CAPZA2: variants seen among roughly 807,000 people sequenced by gnomAD.
CAPZA2 encodes the protein capping actin protein of muscle Z-line subunit alpha 2.
CAPZA2 carries 13 observed loss-of-function variants against 44.0 expected under a neutral mutation model. That is an observed-to-expected ratio of 0.30 (90% CI 0.19 to 0.47). The LOEUF is 0.47. Among genes scored for constraint, CAPZA2 ranks in the 20% least tolerant of loss-of-function variants. The probability of loss-of-function intolerance (pLI) is 1.00; values close to 1 mark genes in which losing one functional copy is unlikely to be tolerated. For synonymous variants in CAPZA2, 94 were observed against 108.2 expected, an observed-to-expected ratio of 0.87 and a Z score of 0.81; for missense variants, 244 against 338.6, an observed-to-expected ratio of 0.72 and a Z score of 2.19.
At chr7:116,867,094 C>A (rs1796492509) in intron 1 of CAPZA2, among the ~76,000 whole-genome samples, 1 of 152,156 alleles carries the variant, frequency 6.6e-6, no homozygotes, top group Non-Finnish European at 1.5e-5. Context: ...ATGTATTATA[C>A]AAATAACTTA....
intron 7 of CAPZA2, 41 bp from the exon 8 acceptor site, chr7:116,912,027 TG>T (rs1247368327): frequency 6.2e-7 from 1 of 1,607,716 alleles, no homozygotes; most frequent in South Asian, 1.1e-5. Flanking sequence ...AGGTTCTTGA[TG>T]ATTCCTGTAA....
chr7:116,916,048 T>TC lies in CAPZA2; in HGVS notation c.658-12_658-11insC. ...TAAATTACTATTTTTATTTTGTTTT[T>TC]TTTTTTTTCAGAATGAAGTGCAAAC... On this transcript the variant is annotated splice_polypyrimidine_tract_variant and intron_variant, in intron 8 of 9. Coordinates refer to ENST00000361183, the MANE Select transcript of CAPZA2 (RefSeq NM_006136.3). The TC allele has an allele frequency of 6.7e-7, 1 of 1,501,138 alleles. No homozygotes were observed. The highest frequency in any genetic ancestry group is 1.4e-5 in the African/African-American group (1 of 69,690). 93.0% of individuals were successfully genotyped at this position (1,501,138 alleles called of 1,614,324 possible). A position where few individuals can be genotyped will look rare whatever the true frequency, so the allele number is the denominator to read the frequency against.
intron 6 of CAPZA2, among the ~76,000 whole-genome samples, chr7:116,909,540 A>G (rs1441889757): frequency 6.6e-6 from 1 of 152,092 alleles, no homozygotes; most frequent in Non-Finnish European, 1.5e-5. Context: ...GAAGGAGGAT[A>G]TGCCTTTTAT....
At chr7:116,866,903 C>T (rs1353603314) in intron 1 of CAPZA2, among the ~76,000 whole-genome samples, 1 of 152,116 alleles carries the variant, frequency 6.6e-6, no homozygotes, top group Admixed American at 6.5e-5. Context: ...AATTTATAAA[C>T]GCCCATCTTC....
intron 1 of CAPZA2, among the ~76,000 whole-genome samples, chr7:116,878,910 G>C (rs1321973983): frequency 6.6e-6 from 1 of 151,572 alleles, no homozygotes; most frequent in Non-Finnish European, 1.5e-5. Flanking sequence ...GGTGGATCAC[G>C]AGGTCGGGAG....
At chr7:116,895,024 T>C (rs1376851223) in intron 3 of CAPZA2, among the ~76,000 whole-genome samples, 1 of 152,106 alleles carries the variant, frequency 6.6e-6, no homozygotes, top group Non-Finnish European at 1.5e-5. Context: ...CTCCTAAATA[T>C]TTTAAAGCTT....
intron 1 of CAPZA2, among the ~76,000 whole-genome samples, chr7:116,885,881 TA>T (rs1326750454): frequency 3.9e-5 from 6 of 152,156 alleles, no homozygotes; most frequent in African/African-American, 1.4e-4. Flanking sequence ...CATGATTGAT[TA>T]AACCATTGGC....
At chr7:116,877,232 T>C (rs1796634059) in intron 1 of CAPZA2, among the ~76,000 whole-genome samples, 1 of 152,242 alleles carries the variant, frequency 6.6e-6, no homozygotes, top group South Asian at 2.1e-4. Flanking sequence ...TTGCTAATGA[T>C]TGCTGTACTA....
intron 3 of CAPZA2, among the ~76,000 whole-genome samples, chr7:116,893,698 G>A (rs1417373922): frequency 6.6e-6 from 1 of 152,128 alleles, no homozygotes; most frequent in African/African-American, 2.4e-5. Context: ...TTTTATGTTT[G>A]ACCCTAATAG....
intron 1 of CAPZA2, among the ~76,000 whole-genome samples, chr7:116,884,874 A>G (rs1562958903): frequency 6.6e-6 from 1 of 152,214 alleles, no homozygotes; most frequent in African/African-American, 2.4e-5. Flanking sequence ...ACAGAAATGT[A>G]TGAGAGTTCC....
intron 1 of CAPZA2, among the ~76,000 whole-genome samples, chr7:116,877,198 G>A (rs1796633532): frequency 6.6e-6 from 1 of 152,222 alleles, no homozygotes; most frequent in Non-Finnish European, 1.5e-5. Context: ...AGTCTCAATA[G>A]TGCTAGCCAG....
Position 116,920,638 on chromosome 7 carries a change from A to G in CAPZA2, c.*2771A>G, listed in dbSNP as rs1395812949. On this transcript the variant is annotated 3_prime_UTR_variant, in exon 10 of 10. Coordinates refer to ENST00000361183, the MANE Select transcript of CAPZA2 (RefSeq NM_006136.3). ...GTTGGTTTGGAGAAGAAGGCTGGTCAGGAGCTCAGTTTTCTATTCAAAGGA... is the reference window on the plus strand; with the variant it reads ...GTTGGTTTGGAGAAGAAGGCTGGTCGGGAGCTCAGTTTTCTATTCAAAGGA... The G allele has an allele frequency of 6.6e-6, 1 of 152,322 alleles. No individual in the cohort carries two copies. Among genetic ancestry groups the G allele is most frequent in the Non-Finnish European group, 1.5e-5 (1 of 68,126 alleles). 9.4% of individuals were successfully genotyped at this position (152,322 alleles called of 1,614,324 possible).
At chr7:116,871,524 T>C (rs904391787) in intron 1 of CAPZA2, among the ~76,000 whole-genome samples, 49 of 152,218 alleles carry the variant, frequency 3.2e-4, no homozygotes, top group African/African-American at 1.2e-3. Context: ...ATTAGTGGCC[T>C]TCAAGAGAAT....
At chr7:116,868,217 G>T (rs957897639) in intron 1 of CAPZA2, among the ~76,000 whole-genome samples, 8 of 152,202 alleles carry the variant, frequency 5.3e-5, no homozygotes, top group East Asian at 1.9e-4. Flanking sequence ...ACAATTTTGC[G>T]TAATAGTTAT....
At chr7:116,885,286 A>C (rs904883956) in intron 1 of CAPZA2, among the ~76,000 whole-genome samples, 1 of 149,968 alleles carries the variant, frequency 6.7e-6, no homozygotes, top group African/African-American at 2.4e-5. Flanking sequence ...TTAATGGATC[A>C]TGGTTTTGGT....
chr7:116,890,243 T>G (rs554819295), intron 2 of CAPZA2, among the ~76,000 whole-genome samples: 92 of 152,232 alleles, frequency 6.0e-4, no homozygotes, highest in African/African-American at 2.1e-3. Flanking sequence ...AGTTAATATA[T>G]TCTCTGTTGA....
intron 1 of CAPZA2, among the ~76,000 whole-genome samples, chr7:116,869,893 G>A (rs554339080): frequency 2.6e-5 from 4 of 151,972 alleles, no homozygotes; most frequent in African/African-American, 4.8e-5. Flanking sequence ...TTTTTGAGAC[G>A]GAGTGTTACT....
At position 116,888,195 on chromosome 7, in the gene CAPZA2, GTGTT is replaced by G. The variant is rs764239405; in HGVS notation, c.103+8_103+11del. The G allele has an allele frequency of 6.3e-7, 1 of 1,598,950 alleles. No homozygotes were observed. The highest frequency in any genetic ancestry group is 1.1e-5 in the South Asian group (1 of 90,562). On this transcript the variant is annotated splice_donor_region_variant and intron_variant, in intron 2 of 9. Coordinates refer to ENST00000361183, the MANE Select transcript of CAPZA2 (RefSeq NM_006136.3). ...AATTTAATGAGGTTTTCAATGGTGA[GTGTT>G]TGATTTATAACACTAGGCTTGATAT...
intron 1 of CAPZA2, among the ~76,000 whole-genome samples, chr7:116,879,465 A>G (rs759631096): frequency 6.6e-6 from 1 of 152,148 alleles, no homozygotes; most frequent in South Asian, 2.1e-4. Context: ...ATTTTTCCAC[A>G]GGGGATAGCG....
Sources: allele counts gnomAD v4.1 joint callset (sites outside exome capture counted in the v4.1 genomes callset), GRCh38; gene constraint gnomAD v4.1.1; transcripts MANE v1.5; gene names NCBI Gene and HGNC (gene_info 2026-07-23, HGNC 2026-07-21).